REV3L: variants seen among roughly 807,000 people sequenced by gnomAD.
REV3L encodes DNA polymerase zeta catalytic subunit.
REV3L carries 69 observed loss-of-function variants against 299.4 expected under a neutral mutation model. The ratio of observed to expected loss-of-function variants is 0.23; its 90% CI spans 0.19 to 0.28. REV3L has a LOEUF of 0.28. Among genes scored for constraint, REV3L ranks in the 10% least tolerant of loss-of-function variants. The pLI is 1.00. For synonymous variants in REV3L, 1,238 were observed against 1,271.4 expected, an observed-to-expected ratio of 0.97 and a Z score of 0.56; for missense variants, 3,128 against 3,693.8, an observed-to-expected ratio of 0.85 and a Z score of 3.97.
rs148261963 is a variant in REV3L at position 111,329,610 on chromosome 6, C to A, written c.8163G>T (p.Gln2721His). ...RALSRMLDAR[Q>H]LGLKLIANVT... is the part of the protein sequence containing the mutation. Reference sequence around the variant, plus strand: ...CATTTGCTATCAGCTTAAGTCCCAACTGACGCGCATCAAGCATTCGTGACA... The same window carrying A: ...CATTTGCTATCAGCTTAAGTCCCAAATGACGCGCATCAAGCATTCGTGACA... The change falls in exon 25 of 32, where the codon CAG becomes CAT. Residue 2721 changes from glutamine to histidine, a missense_variant. Transcript: ENST00000368802. 1.2e-6 allele frequency: 2 copies of A among 1,614,070 alleles called. No individual in the cohort carries two copies. Among genetic ancestry groups the A allele is most frequent in the Non-Finnish European group, 1.7e-6 (2 of 1,180,042 alleles).
Position 111,299,282 on chromosome 6 carries a change from A to AAAT in REV3L, c.*731_*733dup, listed in dbSNP as rs1040286742. ...ATAGAAATGTCTATACAAAACAAGC[A>AAAT]AATGGAATAAAATTTTTTATTTTTA... On this transcript the variant is annotated 3_prime_UTR_variant, in exon 32 of 32. Transcript: ENST00000368802. 1.3e-5 allele frequency: 2 copies of AAAT among 152,634 alleles called. No homozygotes were observed. The highest frequency in any genetic ancestry group is 2.9e-5 in the Non-Finnish European group (2 of 68,032). The allele number at this position is 152,634 out of a possible 1,614,324, so 9.5% of individuals were successfully genotyped here. A position where few individuals can be genotyped will look rare whatever the true frequency, so the allele number is the denominator to read the frequency against.
chr6:111,367,808 T>C lies in REV3L; in HGVS notation c.5980A>G (p.Ile1994Val). 1.2e-6 allele frequency: 2 copies of C among 1,614,066 alleles called. No homozygotes were observed. Among genetic ancestry groups the C allele is most frequent in the Non-Finnish European group, 1.7e-6 (2 of 1,179,974 alleles). ...PKMVEDKKIV[I>V]MPCKCAPSRQ... ...CTTGGGGCACATTTGCAAGGCATAA[T>C]CACAATTTTTTTATCTTCAACCATC... is the stretch of plus-strand genomic sequence containing the variant. Residue 1994 changes from isoleucine (I) to valine (V), a missense_variant, in exon 14 of 32, where the codon ATT (isoleucine) becomes GTT (valine). This residue lies in a region of REV3L where 2,409 missense variants were observed against 2,611.8 expected (regional missense o/e 0.92). Coordinates refer to ENST00000368802, the MANE Select transcript of REV3L (RefSeq NM_001372078.1).
At chr6:111,369,281 CAAAAAAAAAAAAA>C (rs71021838) in intron 13 of REV3L, among the ~76,000 whole-genome samples, 1 of 68,140 alleles carries the variant, frequency 1.5e-5, no homozygotes, top group Non-Finnish European at 2.6e-5. Context: ...GACTCTGTCT[CAAAAAAAAAAAAA>C]AAAAAAAAAA....
chr6:111,346,914 T>A (rs1777088962), intron 20 of REV3L, among the ~76,000 whole-genome samples: 1 of 152,206 alleles, frequency 6.6e-6, no homozygotes, highest in South Asian at 2.1e-4. Context: ...ATTCAGTAAT[T>A]TACTTTGTGT....
chr6:111,359,034 CTA>C lies in REV3L; in HGVS notation c.6880-22_6880-21del. On this transcript the variant is annotated intron_variant, in intron 16 of 31. Coordinates refer to ENST00000368802, the MANE Select transcript of REV3L (RefSeq NM_001372078.1). Reference sequence around the variant, plus strand: ...TTGTATCTATAAAAGCAAATAAATACTATGTTTTTAAAACATTTTTTAAAGAC... The same window carrying C: ...TTGTATCTATAAAAGCAAATAAATACTGTTTTTAAAACATTTTTTAAAGAC... The C allele has an allele frequency of 6.3e-7, 1 of 1,577,990 alleles. No individual in the cohort carries two copies. The highest frequency in any genetic ancestry group is 1.4e-5 in the African/African-American group (1 of 73,824).
At chr6:111,435,605 A>G (rs908785716) in intron 1 of REV3L, among the ~76,000 whole-genome samples, 1 of 152,194 alleles carries the variant, frequency 6.6e-6, no homozygotes, top group Non-Finnish European at 1.5e-5. Flanking sequence ...CTGAATAACC[A>G]CATGCAGAAC....
rs144497761 is a variant in REV3L at position 111,338,312 on chromosome 6, C to CTTT, written c.7539-2705_7539-2703dup. Among the ~76,000 whole-genome samples the CTTT allele has an allele frequency of 2.9e-4, 14 of 47,938 alleles. 1 individual carries two copies. The highest frequency in any genetic ancestry group is 2.4e-3 in the East Asian group (2 of 832). 31.4% of individuals were successfully genotyped at this position (47,938 alleles called of 152,430 possible). On this transcript the variant is annotated intron_variant, in intron 21 of 31. Coordinates refer to ENST00000368802, the MANE Select transcript of REV3L (RefSeq NM_001372078.1). ...TCTTTGTTTACTCCAGTCTAAAGTCCTTTTTTTTTTTTTTTTTTTTTTTTT... is the reference window on the plus strand; with the variant it reads ...TCTTTGTTTACTCCAGTCTAAAGTCCTTTTTTTTTTTTTTTTTTTTTTTTTTTT...
At chr6:111,456,374 C>T (rs1476731231) in intron 1 of REV3L, among the ~76,000 whole-genome samples, 3 of 152,102 alleles carry the variant, frequency 2.0e-5, no homozygotes, top group Non-Finnish European at 4.4e-5. Flanking sequence ...AGAAACTGTC[C>T]ATAATCCAGT....
intron 1 of REV3L, among the ~76,000 whole-genome samples, chr6:111,447,303 T>G (rs2128313269): frequency 6.6e-6 from 1 of 152,310 alleles, no homozygotes; most frequent in Non-Finnish European, 1.5e-5. Flanking sequence ...TTATTTCAAC[T>G]CCAACTTTCA....
At chr6:111,434,509 C>G (rs1469239594) in intron 1 of REV3L, among the ~76,000 whole-genome samples, 6 of 151,818 alleles carry the variant, frequency 4.0e-5, no homozygotes, top group African/African-American at 1.2e-4. Flanking sequence ...GTCCCAGCTA[C>G]TCAGGAGGCT....
At chr6:111,343,781 C>A in intron 21 of REV3L, 144 bp downstream of exon 21, 1 of 488,454 alleles carries the variant, frequency 2.0e-6, no homozygotes, top group Admixed American at 3.9e-5. Flanking sequence ...GTGCCCGCCT[C>A]GGCCTCCCAA....
intron 1 of REV3L, among the ~76,000 whole-genome samples, chr6:111,442,225 GT>G (rs1788351285): frequency 6.6e-6 from 1 of 152,202 alleles, no homozygotes; most frequent in African/African-American, 2.4e-5. Flanking sequence ...CTACCCACTT[GT>G]TTCACCAAAT....
chr6:111,454,156 G>A (rs923844795), intron 1 of REV3L, among the ~76,000 whole-genome samples: 2 of 150,154 alleles, frequency 1.3e-5, no homozygotes, highest in African/African-American at 4.9e-5. Flanking sequence ...TTGTCCAGGC[G>A]GGTCTCAAAC....
At chr6:111,466,189 G>C (rs1364246480) in intron 1 of REV3L, among the ~76,000 whole-genome samples, 1 of 151,994 alleles carries the variant, frequency 6.6e-6, no homozygotes, top group African/African-American at 2.4e-5. Flanking sequence ...GTATTTTAAA[G>C]AAGTATTGGG....
At chr6:111,448,374 T>C (rs1789109069) in intron 1 of REV3L, among the ~76,000 whole-genome samples, 1 of 152,162 alleles carries the variant, frequency 6.6e-6, no homozygotes, top group Admixed American at 6.5e-5. Context: ...GGTCTCGCTC[T>C]GTTGCCCAGG....
At chr6:111,382,306 C>G (rs1476667468) in intron 9 of REV3L, among the ~76,000 whole-genome samples, 1 of 152,054 alleles carries the variant, frequency 6.6e-6, no homozygotes, top group Non-Finnish European at 1.5e-5. Context: ...AAAGAGGCAG[C>G]GAAGAGGGTA....
intron 5 of REV3L, among the ~76,000 whole-genome samples, chr6:111,390,720 A>G (rs1253168062): frequency 1.3e-5 from 2 of 152,178 alleles, no homozygotes; most frequent in Non-Finnish European, 2.9e-5. Context: ...GAACTGATAA[A>G]ATGTATGAAT....
intron 9 of REV3L, among the ~76,000 whole-genome samples, chr6:111,384,664 C>T (rs371312561): frequency 8.5e-5 from 13 of 152,250 alleles, no homozygotes; most frequent in African/African-American, 3.1e-4. Flanking sequence ...ATTAGTACAG[C>T]CACTATGGAG....
At chr6:111,309,763 A>G (rs1772754721) in intron 30 of REV3L, 90 bp downstream of exon 30, 1 of 1,430,518 alleles carries the variant, frequency 7.0e-7, no homozygotes, top group Non-Finnish European at 9.5e-7. Context: ...GCACTCCCAT[A>G]TCAATAGCAC....
Sources: allele counts gnomAD v4.1 joint callset (sites outside exome capture counted in the v4.1 genomes callset), GRCh38; gene constraint gnomAD v4.1.1; regional missense constraint gnomAD v4.1.1; transcripts MANE v1.5; gene names NCBI Gene and HGNC (gene_info 2026-07-23, HGNC 2026-07-21).